IL1RAPL1: variants seen among roughly 807,000 people sequenced by gnomAD.
The protein encoded by IL1RAPL1 is interleukin 1 receptor accessory protein like 1, also known as interleukin-1 receptor accessory protein-like 1.
In IL1RAPL1, 3 loss-of-function variants were observed where a neutral mutation model predicts 48.4. The observed-to-expected ratio is 0.06, with a 90% CI of 0.03 to 0.16. The LOEUF is 0.16. Among genes scored for constraint, IL1RAPL1 ranks in the 10% least tolerant of loss-of-function variants. IL1RAPL1 has a pLI of 1.00. For synonymous variants in IL1RAPL1, 185 were observed against 187.7 expected (o/e 0.99, Z 0.12); for missense variants, 349 against 530.6 (o/e 0.66, Z 3.36).
chrX:28,612,050 A>C (rs1934153773), intron 1 of IL1RAPL1, among the ~76,000 whole-genome samples: 1 of 111,972 alleles, frequency 8.9e-6, no homozygotes, highest in African/African-American at 3.2e-5. Context: ...TTGCACCAGA[A>C]ACCATATATG....
intron 1 of IL1RAPL1, among the ~76,000 whole-genome samples, chrX:28,605,805 C>T (rs758102020): frequency 1.8e-5 from 2 of 111,695 alleles, no homozygotes; most frequent in African/African-American, 3.3e-5. Context: ...TCTCATTTCT[C>T]ACCACTCTCA....
intron 5 of IL1RAPL1, among the ~76,000 whole-genome samples, chrX:29,487,587 T>C (rs1935110538): frequency 8.9e-6 from 1 of 112,165 alleles, no homozygotes; most frequent in Non-Finnish European, 1.9e-5. Flanking sequence ...AGTCCTGTGC[T>C]GAGGACTATT....
chrX:29,501,412 A>AT (rs1290615469), intron 5 of IL1RAPL1, among the ~76,000 whole-genome samples: 6 of 109,333 alleles, frequency 5.5e-5, no homozygotes, highest in East Asian at 2.9e-4. Flanking sequence ...TTCCCCAATG[A>AT]TTTTTTTTTC....
intron 5 of IL1RAPL1, among the ~76,000 whole-genome samples, chrX:29,611,873 G>A (rs1237428752): frequency 9.0e-6 from 1 of 111,030 alleles, no homozygotes; most frequent in Non-Finnish European, 1.9e-5. Flanking sequence ...GAGTTCAGCT[G>A]TCCTTGCCTG....
intron 6 of IL1RAPL1, among the ~76,000 whole-genome samples, chrX:29,802,982 TG>T (rs1930026434): frequency 3.3e-5 from 2 of 60,583 alleles, no homozygotes; most frequent in African/African-American, 7.0e-5. Flanking sequence ...TATACATACA[TG>T]TGTACATATA....
intron 5 of IL1RAPL1, among the ~76,000 whole-genome samples, chrX:29,605,751 A>G (rs1423483764): frequency 8.9e-6 from 1 of 112,396 alleles, no homozygotes; most frequent in Non-Finnish European, 1.9e-5. Flanking sequence ...AGAAGTGTAT[A>G]TTTTACAAAG....
At chrX:29,932,752 C>A (rs1282228934) in intron 8 of IL1RAPL1, among the ~76,000 whole-genome samples, 1 of 110,971 alleles carries the variant, frequency 9.0e-6, no homozygotes, top group Admixed American at 9.6e-5. Context: ...CACTTAAGTG[C>A]TCAATAAATA....
chrX:29,501,535 T>C (rs1935273462), intron 5 of IL1RAPL1, among the ~76,000 whole-genome samples: 1 of 111,638 alleles, frequency 9.0e-6, no homozygotes. Flanking sequence ...TGTGATTGGT[T>C]ATCCGGTTTT....
rs187390141 is a variant in IL1RAPL1, at chrX:29,826,774, T to C, written c.779-90690T>C. Among the ~76,000 whole-genome samples the C allele has an allele frequency of 1.1e-4, 12 of 112,510 alleles. No individual in the cohort carries two copies. In the East Asian group the frequency reaches 3.3e-3, roughly 31 times the overall value. ...GTATGGATATACTACATTTTGTTTA[T>C]TCATTCATTAATTGATGAATATTTG... is the stretch of plus-strand genomic sequence containing the variant. On this transcript the variant is annotated intron_variant, in intron 6 of 10. Coordinates refer to ENST00000378993, the MANE Select transcript of IL1RAPL1 (RefSeq NM_014271.4).
At chrX:29,501,358 T>A in intron 5 of IL1RAPL1, among the ~76,000 whole-genome samples, 1 of 111,477 alleles carries the variant, frequency 9.0e-6, no homozygotes, top group Non-Finnish European at 1.9e-5. Flanking sequence ...GCTTTTGAGG[T>A]CTCACACAAA....
chrX:28,870,308 G>A (rs186880983), intron 2 of IL1RAPL1, among the ~76,000 whole-genome samples: 2 of 110,995 alleles, frequency 1.8e-5, no homozygotes, highest in Admixed American at 1.9e-4. Context: ...AACATTTTGA[G>A]GATCTGCCAA....
At chrX:28,882,210 C>T (rs1041466124) in intron 2 of IL1RAPL1, among the ~76,000 whole-genome samples, 1 of 110,967 alleles carries the variant, frequency 9.0e-6, no homozygotes, top group African/African-American at 3.3e-5. Context: ...TTATCCTGTA[C>T]AAGGTAGCTT....
intron 3 of IL1RAPL1, among the ~76,000 whole-genome samples, chrX:29,316,521 G>C (rs967426399): frequency 6.2e-5 from 7 of 112,180 alleles, no homozygotes; most frequent in Non-Finnish European, 1.3e-4. Flanking sequence ...AAATATTTTA[G>C]GCAGTCAGAT....
chrX:29,668,480 C>T lies in IL1RAPL1; in HGVS notation c.754C>T (p.Leu252=). The change falls in exon 6 of 11, where the codon CTG becomes TTG. Residue 252 remains leucine (L), a synonymous_variant. Transcript: ENST00000378993. ...PKLLYPMESK[L]TIQETQLGDS... ...GCTTTTGTATCCTATGGAAAGTAAA[C>T]TGACAATTCAGGAGACCCAGCTGGG... 2 of 1,207,666 alleles carry T rather than the reference C, an allele frequency of 1.7e-6. No individual in the cohort carries two copies. Among genetic ancestry groups the T allele is most frequent in the Non-Finnish European group, 2.2e-6 (2 of 891,973 alleles).
At chrX:29,046,225 A>C (rs988195653) in intron 2 of IL1RAPL1, among the ~76,000 whole-genome samples, 1 of 109,711 alleles carries the variant, frequency 9.1e-6, no homozygotes, top group Non-Finnish European at 1.9e-5. Context: ...TTAAAAAAAA[A>C]AAAATTCTTT....
chrX:28,892,070 G>A (rs950815119), intron 2 of IL1RAPL1, among the ~76,000 whole-genome samples: 3 of 110,917 alleles, frequency 2.7e-5, no homozygotes, highest in African/African-American at 9.9e-5. Flanking sequence ...TGGGTTTTCT[G>A]TGCTATTATT....
At chrX:29,707,042 G>C (rs1454093613) in intron 6 of IL1RAPL1, among the ~76,000 whole-genome samples, 2 of 111,267 alleles carry the variant, frequency 1.8e-5, no homozygotes, top group Non-Finnish European at 3.8e-5. Flanking sequence ...ATCTATATAT[G>C]CAACAAAGGA....
intron 6 of IL1RAPL1, among the ~76,000 whole-genome samples, chrX:29,908,982 CAAT>C (rs970270809): frequency 3.2e-4 from 36 of 111,538 alleles, no homozygotes; most frequent in Non-Finnish European, 5.3e-4. Flanking sequence ...TAAACTTTAA[CAAT>C]AATAATAATA....
chrX:29,012,626 A>G (rs1376717949), intron 2 of IL1RAPL1, among the ~76,000 whole-genome samples: 1 of 112,069 alleles, frequency 8.9e-6, no homozygotes, highest in Non-Finnish European at 1.9e-5. Context: ...TATGGGGACA[A>G]TACCCCAAAG....
Sources: gnomAD v4.1 joint callset for allele counts (sites outside exome capture counted in the v4.1 genomes callset) on GRCh38, gnomAD v4.1.1 for gene constraint, MANE v1.5 for transcripts, NCBI Gene and HGNC (gene_info 2026-07-23, HGNC 2026-07-21) for gene names.